SPATA3: variants seen among roughly 807,000 people sequenced by gnomAD.
SPATA3 encodes spermatogenesis-associated protein 3.
A neutral mutation model predicts 5.7 loss-of-function variants in SPATA3; 6 were observed. The ratio of observed to expected loss-of-function variants is 1.06; its 90% CI spans 0.58 to 2.09. The LOEUF is 2.09. SPATA3 is among the 30% of genes most tolerant of loss of function. The probability of loss-of-function intolerance (pLI) is 0.00; values close to 1 mark genes in which losing one functional copy is unlikely to be tolerated. For synonymous variants in SPATA3, 44 were observed against 48.4 expected (o/e 0.91, Z 0.37); for missense variants, 155 against 130.4 (o/e 1.19, Z -0.92).
chr2:230,997,071 T>C (rs1038855738), intron 1 of SPATA3, among the ~76,000 whole-genome samples: 1 of 152,182 alleles, frequency 6.6e-6, no homozygotes, highest in Admixed American at 6.5e-5. Flanking sequence ...AAGATGTGAA[T>C]AGACTTGTTC....
chr2:231,019,764 C>T (rs1371505985), exon 7 of SPATA3: 1 of 151,134 alleles, frequency 6.6e-6, no homozygotes, highest in African/African-American at 2.4e-5. Flanking sequence ...CTTCTTGTTC[C>T]ATGCTTGGGG....
At chr2:231,001,395 C>T (rs1692347748) in intron 2 of SPATA3, among the ~76,000 whole-genome samples, 1 of 152,154 alleles carries the variant, frequency 6.6e-6, no homozygotes, top group African/African-American at 2.4e-5. Context: ...AACTGAGGCC[C>T]CCCAACCCCC....
downstream of SPATA3, among the ~76,000 whole-genome samples, chr2:231,009,321 G>C (rs1692721904): frequency 6.6e-6 from 1 of 152,178 alleles, no homozygotes; most frequent in African/African-American, 2.4e-5. Flanking sequence ...GGCCAGGAGA[G>C]AGAACTCCCA....
chr2:231,000,235 T>C, intron 1 of SPATA3, 131 bp from the exon 2 acceptor site: 2 of 826,568 alleles, frequency 2.4e-6, no homozygotes, highest in Non-Finnish European at 3.5e-6. Context: ...TTGGAAAAAA[T>C]CCAGCGTTCG....
downstream of SPATA3, among the ~76,000 whole-genome samples, chr2:231,009,959 A>G (rs1310146455): frequency 1.3e-5 from 2 of 152,234 alleles, no homozygotes; most frequent in Non-Finnish European, 2.9e-5. Context: ...AGTACAGTCA[A>G]TTTCAAGCAA....
intron 5 of SPATA3, among the ~76,000 whole-genome samples, chr2:231,013,022 C>G (rs959423041): frequency 1.3e-5 from 2 of 152,168 alleles, no homozygotes; most frequent in Admixed American, 1.3e-4. Context: ...GCCAGACTCG[C>G]TTGAAATTCA....
At chr2:231,000,293 T>A in intron 1 of SPATA3, 73 bp from the exon 2 acceptor site, 1 of 1,327,604 alleles carries the variant, frequency 7.5e-7, no homozygotes, top group Non-Finnish European at 9.9e-7. Flanking sequence ...CTTCTCAGAC[T>A]GTGTTCCAGA....
chr2:231,014,070 G>A (rs1692863861), exon 6 of SPATA3: 1 of 152,008 alleles, frequency 6.6e-6, no homozygotes, highest in South Asian at 2.1e-4. Context: ...ACATTCCTTG[G>A]GGGTTAGACA....
intron 5 of SPATA3, among the ~76,000 whole-genome samples, chr2:231,013,636 A>G (rs1484051157): frequency 6.6e-6 from 1 of 152,080 alleles, no homozygotes; most frequent in Non-Finnish European, 1.5e-5. Context: ...GATTACGGGC[A>G]TGTGCCACCA....
At chr2:231,006,760 T>C (rs540723145), downstream of SPATA3, 2 of 152,176 alleles carry the variant, frequency 1.3e-5, no homozygotes, top group African/African-American at 2.4e-5. Flanking sequence ...TCTTTCCTTT[T>C]TGGGGAAAGA....
downstream of SPATA3, among the ~76,000 whole-genome samples, chr2:231,004,897 C>T (rs1202005953): frequency 2.0e-5 from 3 of 152,024 alleles, no homozygotes; most frequent in African/African-American, 7.3e-5. Flanking sequence ...ACAGGATAAG[C>T]ACTCAACATA....
intron 5 of SPATA3, among the ~76,000 whole-genome samples, chr2:231,013,553 C>A (rs1202328812): frequency 1.3e-5 from 2 of 151,522 alleles, no homozygotes; most frequent in Admixed American, 1.3e-4. Flanking sequence ...TGCAATGGCA[C>A]AACCTCGGCT....
At chr2:231,004,886 C>A (rs1208526431), downstream of SPATA3, among the ~76,000 whole-genome samples, 1 of 152,016 alleles carries the variant, frequency 6.6e-6, no homozygotes, top group Non-Finnish European at 1.5e-5. Context: ...CAGTTCCTGG[C>A]ACAGGATAAG....
chr2:231,018,054 A>G (rs1205067250), intron 6 of SPATA3, among the ~76,000 whole-genome samples: 1 of 151,964 alleles, frequency 6.6e-6, no homozygotes, highest in East Asian at 1.9e-4. Flanking sequence ...CCTCCTGAGT[A>G]GCTGGGATTA....
intron 1 of SPATA3, among the ~76,000 whole-genome samples, 180 bp downstream of exon 1, chr2:230,996,714 G>A (rs576452111): frequency 6.6e-6 from 1 of 152,250 alleles, no homozygotes; most frequent in South Asian, 2.1e-4. Context: ...CCTGGGTTTT[G>A]TCATTTCTCA....
intron 1 of SPATA3, among the ~76,000 whole-genome samples, chr2:230,999,263 G>A (rs1264330603): frequency 6.6e-6 from 1 of 152,188 alleles, no homozygotes; most frequent in Non-Finnish European, 1.5e-5. Context: ...TGCTCATGGA[G>A]ATGGGGTTTC....
chr2:231,001,377 AC>A (rs1692347145), intron 2 of SPATA3, among the ~76,000 whole-genome samples: 1 of 150,078 alleles, frequency 6.7e-6, no homozygotes, highest in Non-Finnish European at 1.5e-5. Context: ...TCACACCCCC[AC>A]CCCAGGAACT....
Position 231,014,724 on chromosome 2 carries a change from A to C in SPATA3, c.*565+512A>C, listed in dbSNP as rs560712003. ...AGAGGCTGACACAGGCCACAGTGGG[A>C]GCACTGGGAGGACTGTGTGTTTGTA... On this transcript the variant is annotated intron_variant, in intron 6 of 8. Transcript: ENST00000452881. Among the ~76,000 whole-genome samples, 17 of 152,096 alleles carry C rather than the reference A, an allele frequency of 1.1e-4. No homozygotes were observed. The South Asian group carries it at 3.6e-3, about 32-fold the overall frequency.
intron 2 of SPATA3, among the ~76,000 whole-genome samples, chr2:231,000,902 G>T (rs1207326095): frequency 6.6e-6 from 1 of 152,160 alleles, no homozygotes; most frequent in Non-Finnish European, 1.5e-5. Flanking sequence ...ACACTGTTTG[G>T]CCATGCACCT....
Sources: allele counts gnomAD v4.1 joint callset (sites outside exome capture counted in the v4.1 genomes callset), GRCh38; gene constraint gnomAD v4.1.1; transcripts MANE v1.5; gene names NCBI Gene and HGNC (gene_info 2026-07-23, HGNC 2026-07-21).